TMEM62: variants seen among roughly 807,000 people sequenced by gnomAD.
The protein encoded by TMEM62 is transmembrane protein 62.
Under a neutral mutation model 70.4 loss-of-function variants are expected in TMEM62, and 41 were observed. The observed-to-expected ratio is 0.58, with a 90% CI of 0.45 to 0.76. TMEM62 has a LOEUF of 0.76. Ranked by LOEUF, TMEM62 falls within the 30% of genes least tolerant of loss-of-function variation. The pLI is 0.00. For synonymous variants in TMEM62, 268 were observed against 291.0 expected, an observed-to-expected ratio of 0.92 and a Z score of 0.80; for missense variants, 688 against 788.5, an observed-to-expected ratio of 0.87 and a Z score of 1.53.
intron 10 of TMEM62, among the ~76,000 whole-genome samples, chr15:43,165,231 T>C (rs1409798724): frequency 1.4e-5 from 2 of 148,140 alleles, no homozygotes; most frequent in Admixed American, 1.4e-4. Context: ...CTAGATCTTG[T>C]AGGTGTGCTT....
chr15:43,151,177 C>T lies in TMEM62; in HGVS notation c.867-613C>T, dbSNP rs1026706980. Among the ~76,000 whole-genome samples the T allele has an allele frequency of 5.9e-5, 9 of 152,078 alleles. No homozygotes were observed. In the East Asian group the frequency reaches 1.5e-3, roughly 26 times the overall value. ...CCTGGCCAACATGGTGAAACCCTAT[C>T]TCTGCTAAAAATAGCCAGGTGTGGT... On this transcript the variant is annotated intron_variant, in intron 7 of 13. Transcript: ENST00000260403.
intron 9 of TMEM62, among the ~76,000 whole-genome samples, chr15:43,157,816 A>G (rs2038221628): frequency 6.6e-6 from 1 of 152,188 alleles, no homozygotes; most frequent in Non-Finnish European, 1.5e-5. Flanking sequence ...CTACCCATTT[A>G]ATGTTCGGTT....
intron 11 of TMEM62, among the ~76,000 whole-genome samples, chr15:43,171,663 T>G (rs1362836763): frequency 1.3e-5 from 2 of 149,424 alleles, no homozygotes; most frequent in Non-Finnish European, 3.0e-5. Context: ...AATTTCGCTC[T>G]GTCCCCCAGG....
At chr15:43,138,326 T>C (rs1017128798) in intron 3 of TMEM62, among the ~76,000 whole-genome samples, 3 of 152,058 alleles carry the variant, frequency 2.0e-5, no homozygotes, top group African/African-American at 4.8e-5. Context: ...ACCCTTTCCT[T>C]AGGCTAAGCA....
chr15:43,180,899 C>T, intron 12 of TMEM62: 1 of 245,886 alleles, frequency 4.1e-6, no homozygotes, highest in East Asian at 7.8e-5. Context: ...ATGGAATTTT[C>T]AAAAATGTGA....
At chr15:43,161,622 G>A (rs2038710200) in intron 10 of TMEM62, among the ~76,000 whole-genome samples, 1 of 151,862 alleles carries the variant, frequency 6.6e-6, no homozygotes, top group Non-Finnish European at 1.5e-5. Context: ...ATATATATAT[G>A]TGTGTGTGTA....
chr15:43,174,932 G>A (rs1217332159), intron 11 of TMEM62, among the ~76,000 whole-genome samples: 4 of 152,172 alleles, frequency 2.6e-5, no homozygotes, highest in East Asian at 1.9e-4. Context: ...TGAGAAGCAC[G>A]GCTTTGTCTA....
intron 9 of TMEM62, among the ~76,000 whole-genome samples, chr15:43,156,588 C>T (rs1284354062): frequency 6.6e-6 from 1 of 151,928 alleles, no homozygotes; most frequent in African/African-American, 2.4e-5. Flanking sequence ...GTATTATTTT[C>T]TTAATAAGAT....
chr15:43,145,643 G>T (rs2036581748), intron 4 of TMEM62, among the ~76,000 whole-genome samples: 1 of 152,118 alleles, frequency 6.6e-6, no homozygotes, highest in Non-Finnish European at 1.5e-5. Context: ...TATATTTGAT[G>T]GTTGTTGTGG....
At chr15:43,134,046 T>G in intron 1 of TMEM62, 64 bp downstream of exon 1, 1 of 1,437,498 alleles carries the variant, frequency 7.0e-7, no homozygotes, top group Non-Finnish European at 9.1e-7. Flanking sequence ...GTGGGACCCT[T>G]GCGGGTGTTG....
At chr15:43,153,439 T>C (rs1006224074) in intron 8 of TMEM62, among the ~76,000 whole-genome samples, 4 of 152,224 alleles carry the variant, frequency 2.6e-5, no homozygotes, top group African/African-American at 9.6e-5. Flanking sequence ...AATAACTTCC[T>C]GTTCTTCCCT....
intron 13 of TMEM62, among the ~76,000 whole-genome samples, chr15:43,182,801 C>G (rs2041481065): frequency 6.6e-6 from 1 of 152,176 alleles, no homozygotes; most frequent in Non-Finnish European, 1.5e-5. Flanking sequence ...CTAAGGAGCT[C>G]TCTCATACCA....
intron 11 of TMEM62, among the ~76,000 whole-genome samples, chr15:43,176,851 A>G: frequency 1.3e-5 from 2 of 152,114 alleles, no homozygotes; most frequent in African/African-American, 2.4e-5. Flanking sequence ...GACTTTGACA[A>G]GTTGAGAGAA....
intron 3 of TMEM62, among the ~76,000 whole-genome samples, chr15:43,137,463 T>G (rs1199696190): frequency 6.6e-6 from 1 of 152,270 alleles, no homozygotes; most frequent in Non-Finnish European, 1.5e-5. Flanking sequence ...AAAGTATCAA[T>G]CTAATTGATT....
intron 2 of TMEM62, 64 bp from the exon 3 acceptor site, chr15:43,135,447 TA>T (rs1168934796): frequency 3.7e-5 from 55 of 1,502,862 alleles, no homozygotes; most frequent in South Asian, 8.4e-5. Flanking sequence ...TGTACATATC[TA>T]AAAAAAATGG....
At chr15:43,165,180 A>G (rs1359402427) in intron 10 of TMEM62, among the ~76,000 whole-genome samples, 1 of 151,752 alleles carries the variant, frequency 6.6e-6, no homozygotes, top group Admixed American at 6.6e-5. Context: ...CCTCCTCTTT[A>G]AGGCCAATAA....
chr15:43,134,000 CGGG>C lies in TMEM62; in HGVS notation c.180+19_180+21del. On this transcript the variant is annotated intron_variant, in intron 1 of 13. Transcript: ENST00000260403. ...GCCTGCAGGTGACGCGGCGGGAAGC[CGGG>C]CCGGGAGGCAGGTGCAGATCGGGCA... is the stretch of plus-strand genomic sequence containing the variant. 7.0e-7 allele frequency: 1 copy of C among 1,436,866 alleles called. No homozygotes were observed. Among genetic ancestry groups the C allele is most frequent in the Admixed American group, 2.8e-5 (1 of 35,354 alleles). 89.0% of individuals were successfully genotyped at this position (1,436,866 alleles called of 1,614,324 possible).
Position 43,184,612 on chromosome 15 carries a change from G to A in TMEM62, c.*26G>A, listed in dbSNP as rs1408954256. On this transcript the variant is annotated 3_prime_UTR_variant, in exon 14 of 14. Coordinates refer to ENST00000260403, the MANE Select transcript of TMEM62 (RefSeq NM_024956.4). ...AGGCCATGTCTCACCACTGGCAGCT[G>A]GGCAGAAGCCCAGCCTCTGTGTCTG... is the stretch of plus-strand genomic sequence containing the variant. 1.4e-5 allele frequency: 23 copies of A among 1,595,836 alleles called. No individual in the cohort carries two copies. Among genetic ancestry groups the A allele is most frequent in the Non-Finnish European group, 1.8e-5 (21 of 1,173,458 alleles).
intron 4 of TMEM62, among the ~76,000 whole-genome samples, chr15:43,139,847 A>T (rs1438361681): frequency 6.6e-6 from 1 of 152,240 alleles, no homozygotes; most frequent in Non-Finnish European, 1.5e-5. Flanking sequence ...ATAAATATGC[A>T]GTGTGACGCA....
Sources: gnomAD v4.1 joint callset for allele counts (sites outside exome capture counted in the v4.1 genomes callset) on GRCh38, gnomAD v4.1.1 for gene constraint, MANE v1.5 for transcripts, NCBI Gene and HGNC (gene_info 2026-07-23, HGNC 2026-07-21) for gene names.